The following CSMD2 variants were observed in gnomAD, a reference collection of about 807,000 sequenced individuals.
CSMD2 encodes CUB and Sushi multiple domains 2.
A neutral mutation model predicts 398.5 loss-of-function variants in CSMD2; 130 were observed. That is an observed-to-expected ratio of 0.33 (90% CI 0.28 to 0.38). The LOEUF is 0.38. Ranked by LOEUF, CSMD2 falls within the 10% of genes least tolerant of loss-of-function variation. The pLI, the probability that CSMD2 is intolerant of heterozygous loss-of-function variation, is 1.00. For missense variants in CSMD2, 3,829 were observed against 4,764.9 expected (o/e 0.80, Z 5.78); for synonymous variants, 1,828 against 1,908.5 (o/e 0.96, Z 1.10).
At chr1:34,076,909 CAAA>C (rs1160217243) in intron 2 of CSMD2, among the ~76,000 whole-genome samples, 2 of 10,210 alleles carry the variant, frequency 2.0e-4, no homozygotes, top group African/African-American at 3.8e-4. Context: ...TACAGCAAAG[CAAA>C]AAAAAAAAAA....
intron 1 of CSMD2, among the ~76,000 whole-genome samples, chr1:34,129,663 T>TAAATA (rs1302076884): frequency 1.3e-5 from 2 of 151,878 alleles, no homozygotes; most frequent in Admixed American, 6.6e-5. Flanking sequence ...AAAAAATAAA[T>TAAATA]AAATAAAATA....
intron 2 of CSMD2, among the ~76,000 whole-genome samples, chr1:34,035,226 A>G (rs1650967345): frequency 2.0e-5 from 3 of 152,142 alleles, no homozygotes; most frequent in Non-Finnish European, 4.4e-5. Flanking sequence ...TAATTTTAAA[A>G]CTCCCAAAAA....
chr1:33,968,318 T>C (rs1645635017), intron 3 of CSMD2, among the ~76,000 whole-genome samples: 2 of 152,210 alleles, frequency 1.3e-5, no homozygotes, highest in Admixed American at 6.5e-5. Context: ...AGGTGGCAGA[T>C]GGCCCCCAAG....
chr1:34,034,189 C>T (rs1650818555), intron 2 of CSMD2, among the ~76,000 whole-genome samples: 1 of 152,128 alleles, frequency 6.6e-6, no homozygotes, highest in South Asian at 2.1e-4. Context: ...ACTCTCTTTG[C>T]ACCTATTTGC....
chr1:33,863,871 G>T (rs1242377780), intron 5 of CSMD2: 1 of 235,566 alleles, frequency 4.2e-6, no homozygotes, highest in South Asian at 9.5e-5. Flanking sequence ...GGACATAGCT[G>T]CCTCATAGCC....
At chr1:33,937,367 A>T (rs1292271796) in intron 3 of CSMD2, among the ~76,000 whole-genome samples, 2 of 152,170 alleles carry the variant, frequency 1.3e-5, no homozygotes, top group Non-Finnish European at 2.9e-5. Context: ...CTAAGCAAAA[A>T]AGAGCAAACA....
chr1:33,850,030 C>T (rs758066144), intron 5 of CSMD2, among the ~76,000 whole-genome samples: 21 of 152,098 alleles, frequency 1.4e-4, no homozygotes, highest in Non-Finnish European at 2.8e-4. Context: ...TATCTCCTCA[C>T]TGTTCAAAAC....
intron 13 of CSMD2, among the ~76,000 whole-genome samples, chr1:33,753,158 C>T (rs1447798154): frequency 6.6e-6 from 1 of 152,196 alleles, no homozygotes; most frequent in Admixed American, 6.5e-5. Context: ...GAGAGATTAG[C>T]ATTACTGAAA....
intron 13 of CSMD2, among the ~76,000 whole-genome samples, chr1:33,755,207 T>C (rs765532575): frequency 6.6e-6 from 1 of 152,146 alleles, no homozygotes; most frequent in Non-Finnish European, 1.5e-5. Flanking sequence ...TCAGCTATTG[T>C]TGAGCTGGAG....
chr1:33,926,706 T>C (rs2125306002), intron 4 of CSMD2, among the ~76,000 whole-genome samples: 1 of 152,364 alleles, frequency 6.6e-6, no homozygotes, highest in East Asian at 1.9e-4. Flanking sequence ...TCTCTGGCAA[T>C]GGGCATTTTG....
intron 21 of CSMD2, among the ~76,000 whole-genome samples, chr1:33,713,854 C>A (rs778842620): frequency 6.6e-6 from 1 of 152,180 alleles, no homozygotes; most frequent in African/African-American, 2.4e-5. Context: ...AAAAGAGCAA[C>A]CCTAGCTCCA....
chr1:33,830,690 C>T (rs1029595530), intron 6 of CSMD2, among the ~76,000 whole-genome samples: 1 of 152,214 alleles, frequency 6.6e-6, no homozygotes, highest in South Asian at 2.1e-4. Context: ...AGAGAAGAAG[C>T]CTTCAGATGA....
rs7514734 is a variant in CSMD2 at position 34,005,921 on chromosome 1, C to T, written c.517+26673G>A. Among the ~76,000 whole-genome samples the T allele has an allele frequency of 8.2e-3, 1,244 of 152,296 alleles. 19 individuals carry two copies. The highest frequency in any genetic ancestry group is 0.028 in the African/African-American group (1,175 of 41,556). ...GTGATGCCTGAGGTCAGAAATGACACAAATAGCACATGTGCCACTATTTTG... is the reference window on the plus strand; with the variant it reads ...GTGATGCCTGAGGTCAGAAATGACATAAATAGCACATGTGCCACTATTTTG... On this transcript the variant is annotated intron_variant, in intron 3 of 70. Coordinates refer to ENST00000373381, the MANE Select transcript of CSMD2 (RefSeq NM_001281956.2).
At chr1:33,980,679 G>A (rs2147953414) in intron 3 of CSMD2, among the ~76,000 whole-genome samples, 1 of 152,274 alleles carries the variant, frequency 6.6e-6, no homozygotes, top group Admixed American at 6.5e-5. Flanking sequence ...GTCAGACCGT[G>A]GACTAGGTGC....
rs192746752 is a variant in CSMD2, at chr1:33,879,633, T to C, written c.921-32637A>G. On this transcript the variant is annotated intron_variant, in intron 5 of 70. Transcript: ENST00000373381. Reference sequence around the variant, plus strand: ...AATATTGGGTGGCTGATAGCAAGCATTGGTGTCTCTCCCCCATTCCTGCTC... The same window carrying C: ...AATATTGGGTGGCTGATAGCAAGCACTGGTGTCTCTCCCCCATTCCTGCTC... Among the ~76,000 whole-genome samples the C allele has an allele frequency of 1.9e-3, 283 of 152,286 alleles. 1 individual carries two copies. The highest frequency in any genetic ancestry group is 1.7e-3 in the Non-Finnish European group (113 of 68,022).
At chr1:33,936,075 T>C (rs1038584828) in intron 3 of CSMD2, 121 bp from the exon 4 acceptor site, 22 of 761,940 alleles carry the variant, frequency 2.9e-5, no homozygotes, top group South Asian at 2.6e-4. Context: ...TTTCTTCTTC[T>C]GTGAACAGCA....
At chr1:33,853,383 C>T (rs937573294) in intron 5 of CSMD2, among the ~76,000 whole-genome samples, 3 of 152,354 alleles carry the variant, frequency 2.0e-5, no homozygotes, top group East Asian at 3.9e-4. Flanking sequence ...ACAGTTGTCT[C>T]ATTCACTCAC....
intron 13 of CSMD2, among the ~76,000 whole-genome samples, chr1:33,760,322 G>A (rs1397936871): frequency 2.0e-5 from 3 of 152,174 alleles, no homozygotes; most frequent in African/African-American, 7.2e-5. Flanking sequence ...GTGGCTGGCT[G>A]AGGAACTCAT....
chr1:33,903,808 G>A (rs981520138), intron 5 of CSMD2, among the ~76,000 whole-genome samples: 4 of 152,178 alleles, frequency 2.6e-5, no homozygotes, highest in Non-Finnish European at 5.9e-5. Context: ...CTGCATGGAC[G>A]GGAAAGTCTT....
Sources: allele counts gnomAD v4.1 joint callset (sites outside exome capture counted in the v4.1 genomes callset), GRCh38; gene constraint gnomAD v4.1.1; transcripts MANE v1.5; gene names NCBI Gene and HGNC (gene_info 2026-07-23, HGNC 2026-07-21).